LRRFIP2: variants seen among roughly 807,000 people sequenced by gnomAD.
LRRFIP2 encodes LRR binding FLII interacting protein 2.
LRRFIP2 carries 109 observed loss-of-function variants against 125.9 expected under a neutral mutation model. The ratio of observed to expected loss-of-function variants is 0.87; its 90% confidence interval spans 0.74 to 1.01. The LOEUF is 1.01. Among genes scored for constraint, LRRFIP2 ranks in the 50% least tolerant of loss-of-function variants. The pLI is 0.00. For synonymous variants in LRRFIP2, 291 were observed against 293.1 expected, an observed-to-expected ratio of 0.99 and a Z score of 0.07; for missense variants, 850 against 862.3, an observed-to-expected ratio of 0.99 and a Z score of 0.18.
At chr3:37,084,498 T>TA (rs201080813) in intron 18 of LRRFIP2, among the ~76,000 whole-genome samples, 1,642 of 146,016 alleles carry the variant, frequency 0.011, 25 homozygotes, top group African/African-American at 0.038. Flanking sequence ...CCTGTCTCTG[T>TA]AAAAAAAAAA....
At chr3:37,132,718 T>C (rs547953282) in intron 2 of LRRFIP2, among the ~76,000 whole-genome samples, 28 of 152,292 alleles carry the variant, frequency 1.8e-4, no homozygotes, top group Admixed American at 1.2e-3. Context: ...GTAGACGAAA[T>C]ATATGCTCTA....
At chr3:37,082,287 CA>C (rs1177771198) in intron 19 of LRRFIP2, among the ~76,000 whole-genome samples, 3 of 152,192 alleles carry the variant, frequency 2.0e-5, no homozygotes, top group Non-Finnish European at 4.4e-5. Flanking sequence ...TAATGCTCTT[CA>C]ATGGGCCACT....
intron 12 of LRRFIP2, 90 bp downstream of exon 12, chr3:37,108,547 T>C: frequency 9.3e-7 from 1 of 1,073,214 alleles, no homozygotes; most frequent in Non-Finnish European, 1.4e-6. Flanking sequence ...ATATTTTTCT[T>C]TTTTATTAAT....
intron 15 of LRRFIP2, among the ~76,000 whole-genome samples, chr3:37,101,619 C>T (rs1365547851): frequency 2.0e-5 from 3 of 148,538 alleles, no homozygotes; most frequent in Non-Finnish European, 3.0e-5. Flanking sequence ...GAGCTGTGAT[C>T]GCACTGCTGC....
At chr3:37,077,216 G>C (rs1169566249) in intron 19 of LRRFIP2, among the ~76,000 whole-genome samples, 1 of 152,124 alleles carries the variant, frequency 6.6e-6, no homozygotes, top group East Asian at 1.9e-4. Flanking sequence ...AATACAAAAA[G>C]ACCTATGCAG....
chr3:37,100,373 T>C (rs916706511), intron 15 of LRRFIP2, among the ~76,000 whole-genome samples: 1 of 149,748 alleles, frequency 6.7e-6, no homozygotes. Context: ...CATACATACA[T>C]ACATGTATAC....
At chr3:37,172,874 T>C (rs1021972507) in intron 1 of LRRFIP2, 1 of 152,182 alleles carries the variant, frequency 6.6e-6, no homozygotes, top group Non-Finnish European at 1.5e-5. Flanking sequence ...TTTTGTTCAA[T>C]TCCTTCCTTC....
chr3:37,083,239 C>A (rs1234550459), intron 19 of LRRFIP2, among the ~76,000 whole-genome samples: 1 of 152,150 alleles, frequency 6.6e-6, no homozygotes, highest in Non-Finnish European at 1.5e-5. Context: ...AAAATGGATT[C>A]TCTTGAACCG....
chr3:37,145,023 A>G (rs2095821018), intron 2 of LRRFIP2, among the ~76,000 whole-genome samples: 1 of 152,228 alleles, frequency 6.6e-6, no homozygotes. Context: ...ATTAAGAGAC[A>G]TAATATTTAC....
chr3:37,085,213 A>G (rs1283664268), intron 18 of LRRFIP2, among the ~76,000 whole-genome samples: 1 of 152,164 alleles, frequency 6.6e-6, no homozygotes, highest in African/African-American at 2.4e-5. Context: ...AGATACACCA[A>G]AAGCACTATA....
intron 1 of LRRFIP2, among the ~76,000 whole-genome samples, chr3:37,158,088 A>G (rs754920707): frequency 2.0e-5 from 3 of 152,226 alleles, no homozygotes; most frequent in Non-Finnish European, 2.9e-5. Flanking sequence ...TTGGACATAA[A>G]TCTTTATACT....
At chr3:37,097,960 C>A (rs577135523) in intron 15 of LRRFIP2, among the ~76,000 whole-genome samples, 1 of 152,290 alleles carries the variant, frequency 6.6e-6, no homozygotes, top group Admixed American at 6.5e-5. Flanking sequence ...TAGACCCAAT[C>A]TAGAGAAGAG....
At chr3:37,094,032 C>T (rs1266665064) in intron 17 of LRRFIP2, among the ~76,000 whole-genome samples, 1 of 152,160 alleles carries the variant, frequency 6.6e-6, no homozygotes, top group East Asian at 1.9e-4. Flanking sequence ...ACCTTAACAG[C>T]CCCATTCTTG....
intron 2 of LRRFIP2, among the ~76,000 whole-genome samples, chr3:37,130,351 G>C (rs1376757117): frequency 1.3e-5 from 2 of 152,100 alleles, no homozygotes; most frequent in African/African-American, 2.4e-5. Flanking sequence ...TATTATTTCT[G>C]ATCACATCAT....
At position 37,108,654 on chromosome 3, in the gene LRRFIP2, G is replaced by T; in HGVS notation, c.640C>A (p.Pro214Thr). Residue 214 changes from proline (P) to threonine (T), a missense_variant, in exon 12 of 28, where the codon CCT becomes ACT. Coordinates refer to ENST00000336686, the MANE Select transcript of LRRFIP2 (RefSeq NM_006309.4). Reference protein sequence around the residue: ...ASLYNGGLYNPYGPRTPSECS... With the variant: ...ASLYNGGLYNTYGPRTPSECS... ...AGACTTACAGTTCGAGGACCATAAG[G>T]GTTATATAATCCACCATTGTACAAT... 1.9e-6 allele frequency: 3 copies of T among 1,610,022 alleles called. No homozygotes were observed. The highest frequency in any genetic ancestry group is 2.5e-6 in the Non-Finnish European group (3 of 1,176,676).
At chr3:37,099,992 G>C (rs2093930920) in intron 15 of LRRFIP2, among the ~76,000 whole-genome samples, 1 of 152,018 alleles carries the variant, frequency 6.6e-6, no homozygotes, top group African/African-American at 2.4e-5. Context: ...TTTTTTGAAA[G>C]TGGGAGGGGA....
intron 15 of LRRFIP2, 37 bp downstream of exon 15, chr3:37,102,887 G>A (rs1191512745): frequency 7.4e-7 from 1 of 1,356,056 alleles, no homozygotes; most frequent in Non-Finnish European, 1.0e-6. Context: ...CACAAGCCTG[G>A]GACAACATAA....
At chr3:37,127,183 T>C (rs1430596637) in intron 4 of LRRFIP2, among the ~76,000 whole-genome samples, 1 of 152,166 alleles carries the variant, frequency 6.6e-6, no homozygotes, top group African/African-American at 2.4e-5. Context: ...TTTGTTTTTA[T>C]AGCTAACAAA....
intron 1 of LRRFIP2, among the ~76,000 whole-genome samples, chr3:37,158,189 CCATT>C (rs780365496): frequency 2.6e-5 from 4 of 152,146 alleles, no homozygotes; most frequent in Admixed American, 6.5e-5. Context: ...CTTTCTAGTA[CCATT>C]CAAATAGCCT....
Sources: gnomAD v4.1 joint callset for allele counts (sites outside exome capture counted in the v4.1 genomes callset) on GRCh38, gnomAD v4.1.1 for gene constraint, MANE v1.5 for transcripts, NCBI Gene and HGNC (gene_info 2026-07-23, HGNC 2026-07-21) for gene names.